The following LRATD1 variants were observed in gnomAD, a reference collection of about 807,000 sequenced individuals.
LRATD1 encodes the protein protein LRATD1.
LRATD1 carries 8 observed loss-of-function variants against 21.3 expected under a neutral mutation model. The ratio of observed to expected loss-of-function variants is 0.38; its 90% CI spans 0.22 to 0.68. The LOEUF (loss-of-function observed/expected upper bound fraction) is 0.68. Among genes scored for constraint, LRATD1 ranks in the 30% least tolerant of loss-of-function variants. LRATD1 has a pLI of 0.54. For missense variants in LRATD1, 380 were observed against 404.0 expected (o/e 0.94, Z 0.51); for synonymous variants, 210 against 186.2 (o/e 1.13, Z -1.04).
At position 14,634,576 on chromosome 2, in the gene LRATD1, C is replaced by A; in HGVS notation, c.597C>A (p.His199Gln). The A allele has an allele frequency of 6.7e-7, 1 of 1,495,106 alleles. No homozygotes were observed. The highest frequency in any genetic ancestry group is 8.9e-7 in the Non-Finnish European group (1 of 1,120,196). 92.6% of individuals were successfully genotyped at this position (1,495,106 alleles called of 1,614,324 possible). Reference sequence around the variant, plus strand: ...TGGTGGTGCAGAACGCCTGCGGCCACCTGGGCCTCAAGAGCGAGGAGATCT... The same window carrying A: ...TGGTGGTGCAGAACGCCTGCGGCCAACTGGGCCTCAAGAGCGAGGAGATCT... ...AELVVQNACG[H>Q]LGLKSEEICW... The change falls in exon 2 of 2, where the codon CAC becomes CAA. Residue 199 changes from histidine to glutamine, a missense_variant. Physicochemically the swap from His to Gln is conservative, Grantham distance 24. Coordinates refer to ENST00000295092, the MANE Select transcript of LRATD1 (RefSeq NM_145175.4).
At position 14,634,635 on chromosome 2, in the gene LRATD1, G is replaced by C. The variant is rs1164453440; in HGVS notation, c.656G>C (p.Cys219Ser). The C allele has an allele frequency of 6.5e-7, 1 of 1,543,938 alleles. No homozygotes were observed. The change falls in exon 2 of 2, where the codon TGC becomes TCC. Residue 219 changes from cysteine to serine, a missense_variant. Cys to Ser is a moderately radical substitution (Grantham distance 112). Transcript: ENST00000295092. ...AACTCGGAGAGCTTCGCCGCCTGGT[G>C]CCGCTTTGGCAAGCGGGAGTTCAAG... ...WTNSESFAAW[C>S]RFGKREFKAG...
rs1671659104 is a variant in LRATD1 at position 14,635,223 on chromosome 2, G to C, written c.*365G>C. 1 of 566,258 alleles carries C rather than the reference G, an allele frequency of 1.8e-6. No individual in the cohort carries two copies. The highest frequency in any genetic ancestry group is 3.5e-6 in the Non-Finnish European group (1 of 288,622). The allele number at this position is 566,258 out of a possible 1,614,324, so 35.1% of individuals were successfully genotyped here. A position where few individuals can be genotyped will look rare whatever the true frequency, so the allele number is the denominator to read the frequency against. ...AGTCCATGGCCAGTGACTGTGGCCC[G>C]ACTCGAAAACAACCCTCTTCTCAAA... On this transcript the variant is annotated 3_prime_UTR_variant, in exon 2 of 2. Coordinates refer to ENST00000295092, the MANE Select transcript of LRATD1 (RefSeq NM_145175.4).
At chr2:14,643,478 C>T (rs149899266), downstream of LRATD1, among the ~76,000 whole-genome samples, 3 of 152,338 alleles carry the variant, frequency 2.0e-5, no homozygotes, top group Non-Finnish European at 1.5e-5. Flanking sequence ...AAGCTTCATC[C>T]CCTGATCTTC....
rs374608638 is a variant in LRATD1, at chr2:14,634,139, G to T, written c.160G>T (p.Gly54Cys). The stretch of plus-strand genomic sequence containing the variant: ...CGAACGCGGGCAGCCCGACAAGTTT[G>T]GCGTGAAGGCCCCCCCGGGTTGCAC... ...LDERGQPDKF[G>C]VKAPPGCTPC... The change falls in exon 2 of 2, where the codon GGC (glycine) becomes TGC (cysteine). Residue 54 changes from glycine to cysteine, a missense_variant. Coordinates refer to ENST00000295092, the MANE Select transcript of LRATD1 (RefSeq NM_145175.4). The T allele has an allele frequency of 5.6e-6, 9 of 1,614,104 alleles. No individual in the cohort carries two copies. Among genetic ancestry groups the T allele is most frequent in the Non-Finnish European group, 3.4e-6 (4 of 1,180,032 alleles).
Position 14,633,144 on chromosome 2 carries a change from C to T in LRATD1, c.-37+207C>T, listed in dbSNP as rs1671591488. 6.6e-6 allele frequency among the ~76,000 whole-genome samples: 1 copy of T among 152,164 alleles called. No homozygotes were observed. The highest frequency in any genetic ancestry group is 6.5e-5 in the Admixed American group (1 of 15,282). On this transcript the variant is annotated intron_variant, in intron 1 of 1. Coordinates refer to ENST00000295092, the MANE Select transcript of LRATD1 (RefSeq NM_145175.4). This position sits in a 1 kb window ranked among gnomAD's most constrained non-coding sequence, Gnocchi z 7.5. ...CTTTGTTAGGTTATTTTAGACAGAGCAGCCTCGCCCTGGCGCAGTCCCATT... is the reference window on the plus strand; with the variant it reads ...CTTTGTTAGGTTATTTTAGACAGAGTAGCCTCGCCCTGGCGCAGTCCCATT...
rs1671763701 is a variant in LRATD1 at position 14,639,478 on chromosome 2, C to T, written c.*4620C>T. The T allele has an allele frequency of 6.0e-6, 1 of 166,732 alleles. No homozygotes were observed. The highest frequency in any genetic ancestry group is 6.5e-5 in the Admixed American group (1 of 15,274). 10.3% of individuals were successfully genotyped at this position (166,732 alleles called of 1,614,324 possible). A position where few individuals can be genotyped will look rare whatever the true frequency, so the allele number is the denominator to read the frequency against. ...TCTAACTGAAGACACTAAAGAGAAG[C>T]TAAGATCCTATCTTTCAATCATTTA... is the stretch of plus-strand genomic sequence containing the variant. On this transcript the variant is annotated 3_prime_UTR_variant, in exon 2 of 2. Coordinates refer to ENST00000295092, the MANE Select transcript of LRATD1 (RefSeq NM_145175.4).
Position 14,635,340 on chromosome 2 carries a change from C to A in LRATD1, c.*482C>A, listed in dbSNP as rs796115775. The A allele has an allele frequency of 1.0e-5, 5 of 477,694 alleles. No homozygotes were observed. The highest frequency in any genetic ancestry group is 9.9e-5 in the African/African-American group (5 of 50,496). 29.6% of individuals were successfully genotyped at this position (477,694 alleles called of 1,614,324 possible). A position where few individuals can be genotyped will look rare whatever the true frequency, so the allele number is the denominator to read the frequency against. On this transcript the variant is annotated 3_prime_UTR_variant, in exon 2 of 2. Transcript: ENST00000295092. ...GCACAGTTCAGCTCCTCTGTGGATG[C>A]GTCCCCAGATCGCAGGATTTCCAAG...
chr2:14,645,979 T>G (rs1671887367), intron 2 of LRATD1: 1 of 152,204 alleles, frequency 6.6e-6, no homozygotes, highest in Non-Finnish European at 1.5e-5. Flanking sequence ...CAGTATCACT[T>G]ATCTTGCATT....
At position 14,639,273 on chromosome 2, in the gene LRATD1, T is replaced by A. The variant is rs920221482; in HGVS notation, c.*4415T>A. On this transcript the variant is annotated 3_prime_UTR_variant, in exon 2 of 2. Transcript: ENST00000295092. ...GAAAATGTGGGAGTTGTGCAATTAG[T>A]TTTATTCTCATTTTTTGGAAGAATA... 6.0e-6 allele frequency: 1 copy of A among 167,044 alleles called. No individual in the cohort carries two copies. The highest frequency in any genetic ancestry group is 2.4e-5 in the African/African-American group (1 of 41,446). 10.3% of individuals were successfully genotyped at this position (167,044 alleles called of 1,614,324 possible).
At position 14,635,318 on chromosome 2, in the gene LRATD1, C is replaced by CG; in HGVS notation, c.*460_*461insG. 1 of 482,174 alleles carries CG rather than the reference C, an allele frequency of 2.1e-6. No homozygotes were observed. Among genetic ancestry groups the CG allele is most frequent in the Non-Finnish European group, 4.3e-6 (1 of 234,960 alleles). The allele number at this position is 482,174 out of a possible 1,614,324, so 29.9% of individuals were successfully genotyped here. On this transcript the variant is annotated 3_prime_UTR_variant, in exon 2 of 2. Transcript: ENST00000295092. ...GGCGAGAACTGGTCTCTACAGGGCA[C>CG]AGTTCAGCTCCTCTGTGGATGCGTC...
At chr2:14,642,152 C>G (rs1364405717), downstream of LRATD1, 1 of 152,506 alleles carries the variant, frequency 6.6e-6, no homozygotes. Flanking sequence ...CGGTGTGTAT[C>G]AACTTATACG....
intron 4 of LRATD1, among the ~76,000 whole-genome samples, chr2:14,646,709 A>C (rs1017616503): frequency 6.6e-6 from 1 of 152,188 alleles, no homozygotes; most frequent in East Asian, 1.9e-4. Flanking sequence ...CAGGCCTAAC[A>C]GCAGGGTAAT....
downstream of LRATD1, among the ~76,000 whole-genome samples, chr2:14,651,462 C>T (rs1276458619): frequency 6.6e-6 from 1 of 152,128 alleles, no homozygotes; most frequent in African/African-American, 2.4e-5. Flanking sequence ...TAAGTACTGC[C>T]TTATTGCTTT....
downstream of LRATD1, among the ~76,000 whole-genome samples, chr2:14,641,441 T>C (rs1269008904): frequency 1.3e-5 from 2 of 152,190 alleles, no homozygotes; most frequent in South Asian, 4.1e-4. Context: ...CTTTCCTAGG[T>C]ATAGTCAGGA....
Position 14,634,091 on chromosome 2 carries a change from T to G in LRATD1, c.112T>G (p.Ser38Ala), listed in dbSNP as rs1671617600. The change falls in exon 2 of 2, where the codon TCG (serine) becomes GCG (alanine). Residue 38 changes from serine (S) to alanine (A), a missense_variant. Transcript: ENST00000295092. ...GCGGGTCGGGGTTGCCTACTTCTTCTCGGATGATGAGGAAGACCTGGACGA... is the reference window on the plus strand; with the variant it reads ...GCGGGTCGGGGTTGCCTACTTCTTCGCGGATGATGAGGAAGACCTGGACGA... ...ELRVGVAYFF[S>A]DDEEDLDERG... The G allele has an allele frequency of 6.2e-7, 1 of 1,614,014 alleles. No individual in the cohort carries two copies.
chr2:14,640,121 C>T (rs74434652), downstream of LRATD1: 8,459 of 166,678 alleles, frequency 0.051, 307 homozygotes, highest in Non-Finnish European at 0.074. Context: ...ACTTTCACAA[C>T]TTCATCTCTC....
downstream of LRATD1, among the ~76,000 whole-genome samples, chr2:14,643,441 T>C (rs558502885): frequency 3.5e-4 from 54 of 152,282 alleles, no homozygotes; most frequent in African/African-American, 1.1e-3. Flanking sequence ...GGTACTCCCC[T>C]CCTCCAACCT....
At chr2:14,641,231 CT>C (rs1671801003), downstream of LRATD1, among the ~76,000 whole-genome samples, 1 of 152,078 alleles carries the variant, frequency 6.6e-6, no homozygotes, top group Non-Finnish European at 1.5e-5. Flanking sequence ...TTCCATGTGT[CT>C]TTTAAGGCCA....
At chr2:14,643,614 A>T (rs1671841594), downstream of LRATD1, among the ~76,000 whole-genome samples, 1 of 152,232 alleles carries the variant, frequency 6.6e-6, no homozygotes, top group Non-Finnish European at 1.5e-5. Context: ...TACTTGGCAC[A>T]TGTAAAAGTC....
Sources: gnomAD v4.1 joint callset for allele counts (sites outside exome capture counted in the v4.1 genomes callset) on GRCh38, gnomAD v4.1.1 for gene constraint, Gnocchi (gnomAD v3.1) non-coding constraint, MANE v1.5 for transcripts, NCBI Gene and HGNC (gene_info 2026-07-23, HGNC 2026-07-21) for gene names.